Variants in ASB18 observed in about 807,000 individuals in gnomAD.
ASB18 encodes the protein ankyrin repeat and SOCS box protein 18.
A neutral mutation model predicts 33.4 loss-of-function variants in ASB18; 33 were observed. The ratio of observed to expected loss-of-function variants is 0.99; its 90% CI spans 0.75 to 1.32. ASB18 has a LOEUF of 1.32. Among genes scored for constraint, ASB18 ranks in the 40% most tolerant of loss-of-function variants. The pLI, the probability that ASB18 is intolerant of heterozygous loss-of-function variation, is 0.00. For missense variants in ASB18, 694 were observed against 655.5 expected (o/e 1.06, Z -0.64); for synonymous variants, 295 against 307.6 (o/e 0.96, Z 0.43).
In ASB18 at chr2:236,245,682, A is replaced by G. The variant is rs1349454198; in HGVS notation, c.206-4280T>C. ...TGACTGTGGCACTGGGCGCTCTACT[A>G]TTACTGCTGGTTCCTTGTCTGTGTC... On this transcript the variant is annotated intron_variant, in intron 1 of 5. Transcript: ENST00000409749. The surrounding 1 kb of genome is among the most constrained non-coding windows in gnomAD (Gnocchi z 4.7). Among the ~76,000 whole-genome samples the G allele has an allele frequency of 4.6e-5, 7 of 151,710 alleles. No homozygotes were observed. Among genetic ancestry groups the G allele is most frequent in the Non-Finnish European group, 1.0e-4 (7 of 67,954 alleles).
In ASB18 at chr2:236,217,424, A is replaced by AAAAAT. The variant is rs1553600511; in HGVS notation, c.597-2559_597-2558insATTTT. ...CGAGACTCTGTCTCAAAAAAAAAAA[A>AAAAAT]AAATAAATCTTGGCACCTTCAACTC... On this transcript the variant is annotated intron_variant, in intron 3 of 5. Transcript: ENST00000409749. This position sits in a 1 kb window ranked among gnomAD's most constrained non-coding sequence, Gnocchi z 5.2. Among the ~76,000 whole-genome samples the AAAAAT allele has an allele frequency of 4.0e-4, 60 of 150,404 alleles. No individual in the cohort carries two copies. Among genetic ancestry groups the AAAAAT allele is most frequent in the East Asian group, 9.8e-4 (5 of 5,116 alleles).
Position 236,256,007 on chromosome 2 carries a change from T to A in ASB18, c.205+8134A>T, listed in dbSNP as rs979119263. On this transcript the variant is annotated intron_variant, in intron 1 of 5. Transcript: ENST00000409749. This position sits in a 1 kb window ranked among gnomAD's most constrained non-coding sequence, Gnocchi z 4.7. ...GCTATTTGGTGCATTAATATTTATT[T>A]TTTATTTATTTATTTTTAATTTCTA... Among the ~76,000 whole-genome samples the A allele has an allele frequency of 2.2e-4, 33 of 152,168 alleles. No individual in the cohort carries two copies. The highest frequency in any genetic ancestry group is 7.0e-4 in the African/African-American group (29 of 41,416).
Position 236,235,391 on chromosome 2 carries a change from G to A in ASB18, c.596+2298C>T, listed in dbSNP as rs2106277404. 6.6e-6 allele frequency among the ~76,000 whole-genome samples: 1 copy of A among 152,320 alleles called. No individual in the cohort carries two copies. The highest frequency in any genetic ancestry group is 2.4e-5 in the African/African-American group (1 of 41,578). On this transcript the variant is annotated intron_variant, in intron 3 of 5. Transcript: ENST00000409749. The surrounding 1 kb of genome is among the most constrained non-coding windows in gnomAD (Gnocchi z 6.2). ...GCAGTAGGCTATGCCATCCTGGTTT[G>A]TGTAAATATACTCTATGATGTTTAC...
rs2060422207 is a variant in ASB18, at chr2:236,204,253, T to C, written c.1102-7868A>G. 6.6e-6 allele frequency among the ~76,000 whole-genome samples: 1 copy of C among 152,198 alleles called. No homozygotes were observed. The highest frequency in any genetic ancestry group is 1.5e-5 in the Non-Finnish European group (1 of 68,024). On this transcript the variant is annotated intron_variant, in intron 4 of 5. Coordinates refer to ENST00000409749, the MANE Select transcript of ASB18 (RefSeq NM_212556.4). This position sits in a 1 kb window ranked among gnomAD's most constrained non-coding sequence, Gnocchi z 5.1. ...CAGGCTCTGCCTCGCCAGTGGTCCA[T>C]GCTCTGCCTCACTTTACTTGCTGTG... is the stretch of plus-strand genomic sequence containing the variant.
At chr2:236,254,888 C>T (rs1281008471) in intron 1 of ASB18, among the ~76,000 whole-genome samples, 1 of 152,090 alleles carries the variant, frequency 6.6e-6, no homozygotes, top group Non-Finnish European at 1.5e-5. Flanking sequence ...GCGGAGTTCC[C>T]AGGAACGGTT....
intron 4 of ASB18, among the ~76,000 whole-genome samples, chr2:236,212,038 G>A (rs150875797): frequency 4.7e-4 from 71 of 152,140 alleles, no homozygotes; most frequent in Non-Finnish European, 7.5e-4. Flanking sequence ...GGGAGGCAGC[G>A]GTGGGCAACG....
rs944124150 is a variant in ASB18, at chr2:236,231,794, C to G, written c.596+5895G>C. Among the ~76,000 whole-genome samples, 2 of 152,142 alleles carry G rather than the reference C, an allele frequency of 1.3e-5. No individual in the cohort carries two copies. The highest frequency in any genetic ancestry group is 4.8e-5 in the African/African-American group (2 of 41,442). The stretch of plus-strand genomic sequence containing the variant: ...TTTCATAATGATAAAAAGGTCAGTT[C>G]TTCAAAAGGACAGAATAATGCTAAG... On this transcript the variant is annotated intron_variant, in intron 3 of 5. Transcript: ENST00000409749. The surrounding 1 kb of genome is among the most constrained non-coding windows in gnomAD (Gnocchi z 5.5).
rs563184065 is a variant in ASB18 at position 236,251,608 on chromosome 2, T to A, written c.206-10206A>T. Reference sequence around the variant, plus strand: ...TGAGAAGGGTGGTCTAGGAGACAATTTGGTCAACACTGCATCCAGCAAAGT... The same window carrying A: ...TGAGAAGGGTGGTCTAGGAGACAATATGGTCAACACTGCATCCAGCAAAGT... On this transcript the variant is annotated intron_variant, in intron 1 of 5. Transcript: ENST00000409749. This position sits in a 1 kb window ranked among gnomAD's most constrained non-coding sequence, Gnocchi z 5.3. 6.6e-6 allele frequency among the ~76,000 whole-genome samples: 1 copy of A among 152,190 alleles called. No homozygotes were observed. Among genetic ancestry groups the A allele is most frequent in the Non-Finnish European group, 1.5e-5 (1 of 68,044 alleles).
rs552978486 is a variant in ASB18, at chr2:236,259,515, C to T, written c.205+4626G>A. The T allele has an allele frequency of 2.0e-4, 93 of 471,054 alleles. No homozygotes were observed. The highest frequency in any genetic ancestry group is 1.9e-3 in the Admixed American group (80 of 42,578). 29.2% of individuals were successfully genotyped at this position (471,054 alleles called of 1,614,324 possible). On this transcript the variant is annotated intron_variant, in intron 1 of 5. Transcript: ENST00000409749. The surrounding 1 kb of genome is among the most constrained non-coding windows in gnomAD (Gnocchi z 4.4). ...TTTATGCTTTCATGCAGGGAGGATG[C>T]ACGATTTCTGTCCCAGTGGGAAGGG...
intron 4 of ASB18, among the ~76,000 whole-genome samples, chr2:236,202,056 T>G (rs886795966): frequency 6.6e-6 from 1 of 151,970 alleles, no homozygotes; most frequent in African/African-American, 2.4e-5. Flanking sequence ...TTCAAGCAAT[T>G]CTCCCGCCTC....
In ASB18 at chr2:236,253,375, A is replaced by AT. The variant is rs546025374; in HGVS notation, c.205+10765dup. On this transcript the variant is annotated intron_variant, in intron 1 of 5. Transcript: ENST00000409749. The surrounding 1 kb of genome is among the most constrained non-coding windows in gnomAD (Gnocchi z 5.4). ...TTCTCATTCAAGGGGCTCAGTCTTT[A>AT]TTTTTGTTTTTATTTTTTTAAGGAC... is the stretch of plus-strand genomic sequence containing the variant. 1.5e-3 allele frequency among the ~76,000 whole-genome samples: 232 copies of AT among 151,972 alleles called. No homozygotes were observed. Among genetic ancestry groups the AT allele is most frequent in the Non-Finnish European group, 2.7e-3 (185 of 67,934 alleles).
Position 236,196,393 on chromosome 2 carries a change from G to A in ASB18, c.1102-8C>T. The A allele has an allele frequency of 6.5e-7, 1 of 1,529,026 alleles. No individual in the cohort carries two copies. Among genetic ancestry groups the A allele is most frequent in the Non-Finnish European group, 8.9e-7 (1 of 1,124,992 alleles). The allele number at this position is 1,529,026 out of a possible 1,614,324, so 94.7% of individuals were successfully genotyped here. A position where few individuals can be genotyped will look rare whatever the true frequency, so the allele number is the denominator to read the frequency against. On this transcript the variant is annotated splice_polypyrimidine_tract_variant and splice_region_variant and intron_variant, in intron 4 of 5. Transcript: ENST00000409749. This position sits in a 1 kb window ranked among gnomAD's most constrained non-coding sequence, Gnocchi z 5.6. ...TGCACAGGTCTTCAGCACCTGGTGG[G>A]AAGAGGTGAAAGACGCAGCGTAGGC...
rs1344846930 is a variant in ASB18 at position 236,226,624 on chromosome 2, T to C, written c.596+11065A>G. Reference sequence around the variant, plus strand: ...AGCTGAGTAGCTCTGGTGGTCTGCATATGGCCTCAGCTCCTTATGGTGTCC... The same window carrying C: ...AGCTGAGTAGCTCTGGTGGTCTGCACATGGCCTCAGCTCCTTATGGTGTCC... On this transcript the variant is annotated intron_variant, in intron 3 of 5. Transcript: ENST00000409749. This position sits in a 1 kb window ranked among gnomAD's most constrained non-coding sequence, Gnocchi z 4.8. 6.6e-6 allele frequency among the ~76,000 whole-genome samples: 1 copy of C among 152,246 alleles called. No homozygotes were observed. Among genetic ancestry groups the C allele is most frequent in the Non-Finnish European group, 1.5e-5 (1 of 68,042 alleles).
At position 236,245,817 on chromosome 2, in the gene ASB18, C is replaced by T. The variant is rs78682854; in HGVS notation, c.206-4415G>A. ...ACACAGAGAAGGTCTTCAATGCCAACAGTGAAGAGAACGAATGGACTGGAC... is the reference window on the plus strand; with the variant it reads ...ACACAGAGAAGGTCTTCAATGCCAATAGTGAAGAGAACGAATGGACTGGAC... On this transcript the variant is annotated intron_variant, in intron 1 of 5. Transcript: ENST00000409749. The surrounding 1 kb of genome is among the most constrained non-coding windows in gnomAD (Gnocchi z 4.7). Among the ~76,000 whole-genome samples the T allele has an allele frequency of 0.026, 4,010 of 152,302 alleles. 134 individuals carry two copies. Among genetic ancestry groups the T allele is most frequent in the African/African-American group, 0.076 (3,172 of 41,544 alleles).
In ASB18 at chr2:236,255,886, C is replaced by T. The variant is rs1190382567; in HGVS notation, c.205+8255G>A. Reference sequence around the variant, plus strand: ...TGCACTACGTTTCCTGCTCGCCTCCCTTTATCTGGGCTTCCTTCCTTTGGA... The same window carrying T: ...TGCACTACGTTTCCTGCTCGCCTCCTTTTATCTGGGCTTCCTTCCTTTGGA... On this transcript the variant is annotated intron_variant, in intron 1 of 5. Transcript: ENST00000409749. This position sits in a 1 kb window ranked among gnomAD's most constrained non-coding sequence, Gnocchi z 4.4. 1.3e-5 allele frequency among the ~76,000 whole-genome samples: 2 copies of T among 152,208 alleles called. No individual in the cohort carries two copies. The highest frequency in any genetic ancestry group is 2.9e-5 in the Non-Finnish European group (2 of 68,038).
In ASB18 at chr2:236,264,384, T is replaced by A; in HGVS notation, c.-39A>T. 1.3e-5 allele frequency: 20 copies of A among 1,544,102 alleles called. No individual in the cohort carries two copies. The highest frequency in any genetic ancestry group is 1.8e-5 in the Non-Finnish European group (20 of 1,121,366). ...CTGCAGTGACCAGCCCTTCTTTTCT[T>A]CCTCTAAAGCGACTCCAAAGTCAGC... On this transcript the variant is annotated 5_prime_UTR_variant, in exon 1 of 6. Coordinates refer to ENST00000409749, the MANE Select transcript of ASB18 (RefSeq NM_212556.4). The surrounding 1 kb of genome is among the most constrained non-coding windows in gnomAD (Gnocchi z 5.1).
In ASB18 at chr2:236,263,091, C is replaced by T. The variant is rs2060727494; in HGVS notation, c.205+1050G>A. Among the ~76,000 whole-genome samples, 2 of 152,218 alleles carry T rather than the reference C, an allele frequency of 1.3e-5. No individual in the cohort carries two copies. Among genetic ancestry groups the T allele is most frequent in the Admixed American group, 1.3e-4 (2 of 15,278 alleles). The stretch of plus-strand genomic sequence containing the variant: ...GAGAATGGGGGTGGAAAGGAGCCCT[C>T]AGCATCCCTTAGAGGCCAAGACTAA... On this transcript the variant is annotated intron_variant, in intron 1 of 5. Transcript: ENST00000409749. The surrounding 1 kb of genome is among the most constrained non-coding windows in gnomAD (Gnocchi z 4.0).
chr2:236,256,809 T>C lies in ASB18; in HGVS notation c.205+7332A>G, dbSNP rs1466870934. 1.3e-5 allele frequency among the ~76,000 whole-genome samples: 2 copies of C among 152,190 alleles called. No homozygotes were observed. Among genetic ancestry groups the C allele is most frequent in the Non-Finnish European group, 2.9e-5 (2 of 68,044 alleles). ...TGTAGGATTTTTTTTCTTGTCCATA[T>C]GCCTTTGAAGCCGGACCATTAGCTC... On this transcript the variant is annotated intron_variant, in intron 1 of 5. Coordinates refer to ENST00000409749, the MANE Select transcript of ASB18 (RefSeq NM_212556.4). This position sits in a 1 kb window ranked among gnomAD's most constrained non-coding sequence, Gnocchi z 4.7.
chr2:236,241,565 AT>A lies in ASB18; in HGVS notation c.206-164del, dbSNP rs1361800290. 12 of 793,932 alleles carry A rather than the reference AT, an allele frequency of 1.5e-5. No individual in the cohort carries two copies. In the African/African-American group the frequency reaches 1.5e-4, roughly 10 times the overall value. The allele number at this position is 793,932 out of a possible 1,614,324, so 49.2% of individuals were successfully genotyped here. On this transcript the variant is annotated intron_variant, in intron 1 of 5. Coordinates refer to ENST00000409749, the MANE Select transcript of ASB18 (RefSeq NM_212556.4). The surrounding 1 kb of genome is among the most constrained non-coding windows in gnomAD (Gnocchi z 4.2). ...GAAGAGTTCTTCAGGAACGGGAAAGATGGTCTTATGGAGTGTGAGCTATTTC... is the reference window on the plus strand; with the variant it reads ...GAAGAGTTCTTCAGGAACGGGAAAGAGGTCTTATGGAGTGTGAGCTATTTC...
Sources: gnomAD v4.1 joint callset for allele counts (sites outside exome capture counted in the v4.1 genomes callset) on GRCh38, gnomAD v4.1.1 for gene constraint, Gnocchi (gnomAD v3.1) non-coding constraint, MANE v1.5 for transcripts, NCBI Gene and HGNC (gene_info 2026-07-23, HGNC 2026-07-21) for gene names.